DAPK1: variants seen among roughly 807,000 people sequenced by gnomAD.
The protein encoded by DAPK1 is death associated protein kinase 1.
In DAPK1, 56 loss-of-function variants were observed where a neutral mutation model predicts 144.9. That is an observed-to-expected ratio of 0.39 (90% CI 0.31 to 0.48). DAPK1 has a LOEUF of 0.48. Ranked by LOEUF, DAPK1 falls within the 20% of genes least tolerant of loss-of-function variation. The pLI is 0.95. For missense variants in DAPK1, 1,454 were observed against 1,875.4 expected (o/e 0.78, Z 4.15); for synonymous variants, 690 against 749.0 (o/e 0.92, Z 1.29).
At chr9:87,696,106 T>A (rs1825249417) in intron 21 of DAPK1, among the ~76,000 whole-genome samples, 1 of 152,098 alleles carries the variant, frequency 6.6e-6, no homozygotes, top group African/African-American at 2.4e-5. Context: ...CCCAGGTGGT[T>A]CTCTCTTTTT....
At chr9:87,616,629 T>A (rs1007831167) in intron 3 of DAPK1, among the ~76,000 whole-genome samples, 1 of 152,098 alleles carries the variant, frequency 6.6e-6, no homozygotes, top group Admixed American at 6.5e-5. Flanking sequence ...TTAACAAACA[T>A]GTGTGCAAGG....
At chr9:87,652,795 A>C (rs1369114274) in intron 17 of DAPK1, among the ~76,000 whole-genome samples, 3 of 125,928 alleles carry the variant, frequency 2.4e-5, no homozygotes, top group Admixed American at 8.0e-5. Flanking sequence ...GTGTCCTCCC[A>C]CCTGATCCCA....
intron 2 of DAPK1, among the ~76,000 whole-genome samples, chr9:87,533,392 G>A (rs1468058227): frequency 6.6e-6 from 1 of 152,202 alleles, no homozygotes; most frequent in Non-Finnish European, 1.5e-5. Flanking sequence ...CCAGGGGCAG[G>A]AGAAGGAGTG....
intron 2 of DAPK1, among the ~76,000 whole-genome samples, chr9:87,527,374 C>T (rs1825553068): frequency 6.6e-6 from 1 of 152,208 alleles, no homozygotes; most frequent in South Asian, 2.1e-4. Flanking sequence ...GTCTTTGCGG[C>T]CTGTTGGGTC....
At chr9:87,679,768 T>C (rs1348841810) in intron 19 of DAPK1, among the ~76,000 whole-genome samples, 1 of 152,130 alleles carries the variant, frequency 6.6e-6, no homozygotes, top group African/African-American at 2.4e-5. Flanking sequence ...TGCTTCTCCA[T>C]ATCAGATGGA....
intron 3 of DAPK1, among the ~76,000 whole-genome samples, chr9:87,616,458 A>G (rs1443058286): frequency 6.6e-6 from 1 of 152,174 alleles, no homozygotes; most frequent in Non-Finnish European, 1.5e-5. Flanking sequence ...GGAGAAGGAC[A>G]GTTTTGGGGG....
chr9:87,690,222 T>A (rs1825008654), intron 21 of DAPK1, among the ~76,000 whole-genome samples: 2 of 152,132 alleles, frequency 1.3e-5, no homozygotes, highest in African/African-American at 4.8e-5. Flanking sequence ...CTTTCACCTC[T>A]TTGGTTAAAT....
Position 87,708,228 on chromosome 9 carries a change from T to C in DAPK1, c.*864T>C, listed in dbSNP as rs1825706799. ...ATTCCCTCTCATCTCAGGTAGAAGG[T>C]TGACACAGTTGTAGGGTTACAGAGA... is the stretch of plus-strand genomic sequence containing the variant. On this transcript the variant is annotated 3_prime_UTR_variant, in exon 26 of 26. Coordinates refer to ENST00000408954, the MANE Select transcript of DAPK1 (RefSeq NM_004938.4). 2 of 206,026 alleles carry C rather than the reference T, an allele frequency of 9.7e-6. No individual in the cohort carries two copies. The highest frequency in any genetic ancestry group is 1.4e-4 in the East Asian group (1 of 7,368). 12.8% of individuals were successfully genotyped at this position (206,026 alleles called of 1,614,324 possible).
chr9:87,578,660 A>T (rs1478717479), intron 2 of DAPK1, among the ~76,000 whole-genome samples: 2 of 152,218 alleles, frequency 1.3e-5, no homozygotes, highest in Admixed American at 1.3e-4. Context: ...ATCTTAAAAT[A>T]CAAAACCCAA....
At chr9:87,671,312 T>G (rs1824136395) in intron 19 of DAPK1, among the ~76,000 whole-genome samples, 1 of 152,072 alleles carries the variant, frequency 6.6e-6, no homozygotes, top group African/African-American at 2.4e-5. Flanking sequence ...TTTTGGTGCC[T>G]AGATTTTTAA....
At chr9:87,638,186 C>G (rs1297989822) in intron 4 of DAPK1, 105 bp downstream of exon 4, 1 of 1,234,868 alleles carries the variant, frequency 8.1e-7, no homozygotes, top group Non-Finnish European at 1.1e-6. Context: ...CATGATTTTC[C>G]TGTACCAGTT....
intron 2 of DAPK1, among the ~76,000 whole-genome samples, chr9:87,538,256 G>T (rs115624579): frequency 5.3e-5 from 8 of 152,238 alleles, no homozygotes; most frequent in African/African-American, 1.9e-4. Flanking sequence ...TATTCTTAAA[G>T]AAAGATTTTT....
chr9:87,604,173 G>A (rs1043941929), intron 2 of DAPK1, among the ~76,000 whole-genome samples: 2 of 152,060 alleles, frequency 1.3e-5, no homozygotes, highest in South Asian at 2.1e-4. Flanking sequence ...CGGCTTTGAG[G>A]GGGGGGTTCT....
intron 19 of DAPK1, among the ~76,000 whole-genome samples, chr9:87,679,728 T>C: frequency 6.6e-6 from 1 of 152,010 alleles, no homozygotes; most frequent in Non-Finnish European, 1.5e-5. Flanking sequence ...AGTGAGTGAG[T>C]AGCGAACTAT....
chr9:87,581,278 A>G (rs1827744980), intron 2 of DAPK1, among the ~76,000 whole-genome samples: 1 of 152,156 alleles, frequency 6.6e-6, no homozygotes, highest in Non-Finnish European at 1.5e-5. Context: ...TGAGGGGAGG[A>G]ACAAGGACTA....
At chr9:87,532,752 T>G (rs1825739271) in intron 2 of DAPK1, among the ~76,000 whole-genome samples, 1 of 152,138 alleles carries the variant, frequency 6.6e-6, no homozygotes, top group Non-Finnish European at 1.5e-5. Flanking sequence ...CCTCTCCCTC[T>G]TTTCTTCCAA....
At position 87,637,937 on chromosome 9, in the gene DAPK1, T is replaced by C. The variant is rs36211018; in HGVS notation, c.285-6T>C. On this transcript the variant is annotated splice_region_variant and splice_polypyrimidine_tract_variant and intron_variant, in intron 3 of 25. Coordinates refer to ENST00000408954, the MANE Select transcript of DAPK1 (RefSeq NM_004938.4). ...TTACCAATAACCTCTGCTTCCGGGT[T>C]CTCAGCGTTGCAGGTGGCGAGCTGT... is the stretch of plus-strand genomic sequence containing the variant. The C allele has an allele frequency of 1.2e-3, 1,956 of 1,613,406 alleles. 22 individuals carry two copies. In the African/African-American group the frequency reaches 0.024, roughly 20 times the overall value.
chr9:87,539,016 T>C (rs1563981902), intron 2 of DAPK1, among the ~76,000 whole-genome samples: 1 of 150,372 alleles, frequency 6.7e-6, no homozygotes, highest in Non-Finnish European at 1.5e-5. Context: ...GTTTAAAATA[T>C]AAAATTAAAT....
intron 20 of DAPK1, among the ~76,000 whole-genome samples, chr9:87,685,110 G>A (rs561362683): frequency 6.6e-6 from 1 of 152,304 alleles, no homozygotes; most frequent in East Asian, 1.9e-4. Context: ...TAAAATGGCA[G>A]CTATGTTGAC....
Sources: allele counts gnomAD v4.1 joint callset (sites outside exome capture counted in the v4.1 genomes callset), GRCh38; gene constraint gnomAD v4.1.1; transcripts MANE v1.5; gene names NCBI Gene and HGNC (gene_info 2026-07-23, HGNC 2026-07-21).